The following TMEM132C variants were observed in gnomAD, a reference collection of about 807,000 sequenced individuals.
The protein encoded by TMEM132C is transmembrane protein 132C.
In TMEM132C, 29 loss-of-function variants were observed where a neutral mutation model predicts 61.4. The ratio of observed to expected loss-of-function variants is 0.47; its 90% CI spans 0.35 to 0.64. TMEM132C has a LOEUF of 0.64. TMEM132C is among the 30% of genes least tolerant of loss of function. The pLI is 0.00. For missense variants in TMEM132C, 1,408 were observed against 1,476.9 expected (o/e 0.95, Z 0.76); for synonymous variants, 656 against 633.1 (o/e 1.04, Z -0.54).
rs1260264405 is a variant in TMEM132C at position 128,669,423 on chromosome 12, G to A, written c.1312G>A (p.Glu438Lys). The A allele has an allele frequency of 6.4e-7, 1 of 1,551,536 alleles. No individual in the cohort carries two copies. The highest frequency in any genetic ancestry group is 8.7e-7 in the Non-Finnish European group (1 of 1,146,926). ...VGIVPLAMDTEILNTAVLTGK... is the reference protein window; with the variant it reads ...VGIVPLAMDTKILNTAVLTGK... ...GTTTGATTCTTTTTGGCAGGACACT[G>A]AAATTCTGAACACCGCCGTACTCAC... Residue 438 changes from glutamate (E) to lysine (K), a missense_variant, in exon 5 of 9, where the codon GAA (glutamate) becomes AAA (lysine). Glu to Lys is a moderately conservative substitution (Grantham distance 56). Coordinates refer to ENST00000435159, the MANE Select transcript of TMEM132C (RefSeq NM_001136103.3).
At chr12:128,444,537 A>G (rs1472454561) in intron 2 of TMEM132C, among the ~76,000 whole-genome samples, 2 of 152,156 alleles carry the variant, frequency 1.3e-5, no homozygotes, top group African/African-American at 4.8e-5. Context: ...TTCTCTTCTC[A>G]TTGGCCTGTT....
chr12:128,497,822 G>A (rs1293940505), intron 2 of TMEM132C, among the ~76,000 whole-genome samples: 1 of 152,130 alleles, frequency 6.6e-6, no homozygotes, highest in African/African-American at 2.4e-5. Context: ...ACACTCGGCT[G>A]CACCCACTGT....
At chr12:128,686,769 A>C (rs2135645465) in intron 5 of TMEM132C, among the ~76,000 whole-genome samples, 1 of 152,318 alleles carries the variant, frequency 6.6e-6, no homozygotes, top group East Asian at 1.9e-4. Context: ...CCGCCATCCT[A>C]GAGTTTAGGT....
intron 1 of TMEM132C, among the ~76,000 whole-genome samples, chr12:128,343,510 G>A (rs980787052): frequency 6.6e-6 from 1 of 151,830 alleles, no homozygotes; most frequent in Non-Finnish European, 1.5e-5. Context: ...CATAAGGTTA[G>A]AGCTGTTGGC....
chr12:128,469,634 G>GTT (rs930600383), intron 2 of TMEM132C, among the ~76,000 whole-genome samples: 3 of 147,090 alleles, frequency 2.0e-5, no homozygotes, highest in African/African-American at 8.1e-5. Context: ...CTTTGTGTGT[G>GTT]TGTGTTTGTG....
intron 3 of TMEM132C, among the ~76,000 whole-genome samples, chr12:128,594,219 A>C (rs1875863288): frequency 6.6e-6 from 1 of 151,930 alleles, no homozygotes; most frequent in African/African-American, 2.4e-5. Flanking sequence ...TCCCCACCCC[A>C]GGGGGGCGCC....
At chr12:128,620,232 C>CA (rs386378194) in intron 4 of TMEM132C, among the ~76,000 whole-genome samples, 6,989 of 60,922 alleles carry the variant, frequency 0.11, 329 homozygotes, top group South Asian at 0.22. Flanking sequence ...GACCCTGTCT[C>CA]AAAAAAAAAA....
At chr12:128,286,689 C>T (rs1305293605) in intron 1 of TMEM132C, among the ~76,000 whole-genome samples, 1 of 152,120 alleles carries the variant, frequency 6.6e-6, no homozygotes, top group Admixed American at 6.5e-5. Flanking sequence ...GGATGAGATA[C>T]TAGAAGTGGC....
chr12:128,267,416 G>C lies in TMEM132C; in HGVS notation c.14G>C (p.Gly5Ala). The change falls in exon 1 of 9, where the codon GGT becomes GCT. Residue 5 changes from glycine to alanine, a missense_variant. By Grantham distance (60) the Gly-to-Ala change is moderately conservative. Coordinates refer to ENST00000435159, the MANE Select transcript of TMEM132C (RefSeq NM_001136103.3). The stretch of plus-strand genomic sequence containing the variant: ...CCGGGACGCAGGATGCGCTCCGAGG[G>C]TGCGGCCCCCGGGCCGGCGGCGCCG... MRSEGAAPGPAAPLC... is the reference protein window; with the variant it reads MRSEAAAPGPAAPLC... 4.9e-6 allele frequency: 6 copies of C among 1,226,752 alleles called. No individual in the cohort carries two copies. Among genetic ancestry groups the C allele is most frequent in the Non-Finnish European group, 6.1e-6 (6 of 985,312 alleles). The allele number at this position is 1,226,752 out of a possible 1,614,324, so 76.0% of individuals were successfully genotyped here.
intron 2 of TMEM132C, among the ~76,000 whole-genome samples, chr12:128,496,149 T>G (rs1449963272): frequency 6.6e-6 from 1 of 152,218 alleles, no homozygotes; most frequent in East Asian, 1.9e-4. Flanking sequence ...TTAAGAATGT[T>G]GAATATTGGC....
intron 4 of TMEM132C, among the ~76,000 whole-genome samples, chr12:128,617,792 G>C (rs1226488258): frequency 6.6e-6 from 1 of 152,208 alleles, no homozygotes; most frequent in African/African-American, 2.4e-5. Context: ...ACAGGGAACA[G>C]ATGCTGGTCA....
At chr12:128,440,362 A>G (rs1869743149) in intron 2 of TMEM132C, among the ~76,000 whole-genome samples, 2 of 152,258 alleles carry the variant, frequency 1.3e-5, no homozygotes, top group Non-Finnish European at 2.9e-5. Context: ...GAATGTAGAA[A>G]AAAATGGTAG....
intron 3 of TMEM132C, among the ~76,000 whole-genome samples, chr12:128,572,279 C>A (rs1215599792): frequency 1.4e-5 from 2 of 146,094 alleles, no homozygotes; most frequent in African/African-American, 5.4e-5. Context: ...AGGCCTGGGT[C>A]ACATGCGTAC....
chr12:128,617,331 A>C (rs551638514), intron 4 of TMEM132C, among the ~76,000 whole-genome samples: 141 of 152,320 alleles, frequency 9.3e-4, no homozygotes, highest in Middle Eastern at 3.4e-3. Context: ...GCTTCTTCAC[A>C]GCATCATGTC....
intron 3 of TMEM132C, among the ~76,000 whole-genome samples, chr12:128,569,520 G>T (rs1874803688): frequency 6.6e-6 from 1 of 152,132 alleles, no homozygotes; most frequent in Admixed American, 6.6e-5. Context: ...TTTAACCAAG[G>T]AGTGAAGAGT....
At chr12:128,683,969 AT>A (rs1954654734) in intron 5 of TMEM132C, among the ~76,000 whole-genome samples, 1 of 139,426 alleles carries the variant, frequency 7.2e-6, no homozygotes, top group Non-Finnish European at 1.5e-5. Flanking sequence ...TCTGTTTGAA[AT>A]TAAATAAATA....
intron 1 of TMEM132C, among the ~76,000 whole-genome samples, chr12:128,309,054 G>T (rs1871883002): frequency 6.6e-6 from 1 of 151,974 alleles, no homozygotes; most frequent in Non-Finnish European, 1.5e-5. Flanking sequence ...CAATTTGGGG[G>T]AGGGGTGGGG....
chr12:128,444,419 G>A (rs999007443), intron 2 of TMEM132C, among the ~76,000 whole-genome samples: 1 of 152,216 alleles, frequency 6.6e-6, no homozygotes, highest in Non-Finnish European at 1.5e-5. Context: ...GCAAGGGTCT[G>A]CGTCCAGAGG....
intron 1 of TMEM132C, among the ~76,000 whole-genome samples, chr12:128,361,222 A>G (rs567930884): frequency 1.3e-5 from 2 of 152,314 alleles, no homozygotes; most frequent in South Asian, 2.1e-4. Flanking sequence ...AAGAATTTCT[A>G]TCTGTCTTCA....
Sources: gnomAD v4.1 joint callset for allele counts (sites outside exome capture counted in the v4.1 genomes callset) on GRCh38, gnomAD v4.1.1 for gene constraint, MANE v1.5 for transcripts, NCBI Gene and HGNC (gene_info 2026-07-23, HGNC 2026-07-21) for gene names.